KIR2DL1: variants seen among roughly 807,000 people sequenced by gnomAD.
The protein encoded by KIR2DL1 is killer cell immunoglobulin-like receptor 2DL1.
KIR2DL1 carries 38 observed loss-of-function variants against 33.9 expected under a neutral mutation model. The observed-to-expected ratio is 1.12, with a 90% CI of 0.86 to 1.47. The LOEUF (loss-of-function observed/expected upper bound fraction) is 1.47, where lower values mean the gene tolerates loss of function less well. KIR2DL1 is among the 40% of genes most tolerant of loss of function. The pLI is 0.00. For missense variants in KIR2DL1, 531 were observed against 433.9 expected, an observed-to-expected ratio of 1.22 and a Z score of -1.99; for synonymous variants, 179 against 165.9, an observed-to-expected ratio of 1.08 and a Z score of -0.61.
At chr19:54,782,623 C>A (rs1484087167) in intron 5 of KIR2DL1, among the ~76,000 whole-genome samples, 1 of 152,024 alleles carries the variant, frequency 6.6e-6, no homozygotes, top group African/African-American at 2.4e-5. Context: ...CATGATGGAT[C>A]CACCTCCATG....
At chr19:54,770,758 C>G in intron 1 of KIR2DL1, 91 bp from the exon 2 acceptor site, 1 of 1,510,792 alleles carries the variant, frequency 6.6e-7, no homozygotes, top group Non-Finnish European at 9.2e-7. Flanking sequence ...CCAGGAAGGG[C>G]CTGGCTACCA....
intron 1 of KIR2DL1, among the ~76,000 whole-genome samples, 154 bp downstream of exon 1, chr19:54,770,038 G>C (rs1220956594): frequency 8.3e-5 from 12 of 144,022 alleles, no homozygotes; most frequent in African/African-American, 3.1e-4. Context: ...GATGGGCCTA[G>C]AAGTGGAGAT....
chr19:54,780,738 T>G (rs1247325627), intron 5 of KIR2DL1, among the ~76,000 whole-genome samples: 1 of 139,992 alleles, frequency 7.1e-6, no homozygotes, highest in Non-Finnish European at 1.6e-5. Context: ...CTGGAAAGGC[T>G]TACTGGGTTT....
chr19:54,781,308 T>G (rs1297911514), intron 5 of KIR2DL1, among the ~76,000 whole-genome samples: 1 of 149,406 alleles, frequency 6.7e-6, no homozygotes, highest in Non-Finnish European at 1.5e-5. Context: ...CATTAGGCAA[T>G]GAGCCTAAAA....
rs759723489 is a variant in KIR2DL1, at chr19:54,783,473, C to G, written c.818-13C>G. On this transcript the variant is annotated splice_polypyrimidine_tract_variant and intron_variant, in intron 6 of 7. Transcript: ENST00000336077. ...GCCCTCCGAGCTGTTTTGTTGACTT[C>G]CATCTTCTACAGATGCTGCGGTAAT... 3 of 1,612,702 alleles carry G rather than the reference C, an allele frequency of 1.9e-6. No individual in the cohort carries two copies. Among genetic ancestry groups the G allele is most frequent in the Admixed American group, 1.7e-5 (1 of 59,942 alleles).
rs555297344 is a variant in KIR2DL1 at position 54,772,964 on chromosome 19, C to A, written c.71-369C>A. Among the ~76,000 whole-genome samples the A allele has an allele frequency of 7.4e-3, 1,093 of 147,434 alleles. 87 individuals carry two copies. The highest frequency in any genetic ancestry group is 0.011 in the Non-Finnish European group (745 of 65,706). Reference sequence around the variant, plus strand: ...CAGTTCATACCTCCTGCCAAGGATTCCAATTCGTCCAAAAGAGATTGAACC... The same window carrying A: ...CAGTTCATACCTCCTGCCAAGGATTACAATTCGTCCAAAAGAGATTGAACC... On this transcript the variant is annotated intron_variant, in intron 2 of 7. Transcript: ENST00000336077.
At chr19:54,772,465 C>T (rs1202841118) in intron 2 of KIR2DL1, among the ~76,000 whole-genome samples, 1 of 145,666 alleles carries the variant, frequency 6.9e-6, no homozygotes, top group Non-Finnish European at 1.5e-5. Context: ...GTGCTCTCTC[C>T]TGGTGCCATG....
chr19:54,775,421 G>A lies in KIR2DL1; in HGVS notation c.627G>A (p.Trp209Ter). 6 of 1,584,756 alleles carry A rather than the reference G, an allele frequency of 3.8e-6. No homozygotes were observed. The highest frequency in any genetic ancestry group is 1.1e-5 in the South Asian group (1 of 90,104). Residue 209 changes from tryptophan (W) to a stop codon, truncating the protein, a stop_gained, in exon 4 of 8, where the codon TGG becomes TGA. Coordinates refer to ENST00000336077, the MANE Select transcript of KIR2DL1 (RefSeq NM_014218.3). LOFTEE classifies it high-confidence loss of function. ...FGSFHDSPYE[W>*]SKSSDPLLVS... ...CTTTCCATGACTCTCCATACGAGTG[G>A]TCAAAGTCAAGTGACCCACTGCTTG...
Position 54,783,905 on chromosome 19 carries a change from A to C in KIR2DL1, c.*92A>C. Reference sequence around the variant, plus strand: ...CAGCTCCCATGTACCAGCAGCTGGAATCTGAAGGCGTGAGTCTGCATCTTA... The same window carrying C: ...CAGCTCCCATGTACCAGCAGCTGGACTCTGAAGGCGTGAGTCTGCATCTTA... On this transcript the variant is annotated 3_prime_UTR_variant, in exon 8 of 8. Transcript: ENST00000336077. 3 of 1,550,010 alleles carry C rather than the reference A, an allele frequency of 1.9e-6. No homozygotes were observed. The highest frequency in any genetic ancestry group is 1.8e-6 in the Non-Finnish European group (2 of 1,122,120).
intron 5 of KIR2DL1, 100 bp downstream of exon 5, chr19:54,778,762 C>A: frequency 7.8e-7 from 1 of 1,278,838 alleles, no homozygotes; most frequent in Non-Finnish European, 1.1e-6. Context: ...TGACATTGTA[C>A]ACTTGTCTTC....
At chr19:54,775,893 T>C (rs679194) in intron 4 of KIR2DL1, among the ~76,000 whole-genome samples, 20,814 of 124,938 alleles carry the variant, frequency 0.17, 3 homozygotes, top group South Asian at 0.27. Flanking sequence ...AGCTTACCAC[T>C]TTTAACATTT....
chr19:54,778,267 A>C (rs1417226775), intron 4 of KIR2DL1, among the ~76,000 whole-genome samples: 1 of 149,660 alleles, frequency 6.7e-6, no homozygotes, highest in Non-Finnish European at 1.5e-5. Flanking sequence ...TCAAAAGAAA[A>C]AATAAAAAAC....
At chr19:54,771,564 G>C (rs2075730652) in intron 2 of KIR2DL1, among the ~76,000 whole-genome samples, 1 of 147,242 alleles carries the variant, frequency 6.8e-6, no homozygotes, top group African/African-American at 2.5e-5. Context: ...GGGAGGGAGG[G>C]GCGGCTCCAC....
chr19:54,772,740 G>C (rs1320724518), intron 2 of KIR2DL1, among the ~76,000 whole-genome samples: 2 of 143,886 alleles, frequency 1.4e-5, no homozygotes, highest in Non-Finnish European at 3.1e-5. Context: ...AACCAAACAA[G>C]GAGAAGGTTG....
intron 3 of KIR2DL1, among the ~76,000 whole-genome samples, chr19:54,773,947 T>A (rs1403600364): frequency 6.8e-6 from 1 of 147,948 alleles, no homozygotes; most frequent in African/African-American, 2.5e-5. Context: ...CTGGCACAGG[T>A]TAGAAGTTTC....
At chr19:54,775,648 C>G (rs1488015379) in intron 4 of KIR2DL1, among the ~76,000 whole-genome samples, 190 bp downstream of exon 4, 1 of 148,638 alleles carries the variant, frequency 6.7e-6, no homozygotes, top group African/African-American at 2.5e-5. Flanking sequence ...GCATGGAGGC[C>G]CACGGCCAGG....
rs552847911 is a variant in KIR2DL1, at chr19:54,774,820, G to A, written c.371-345G>A. On this transcript the variant is annotated intron_variant, in intron 3 of 7. Transcript: ENST00000336077. ...CACCGAATAGATAAATAGATAGATC[G>A]ATAGATAATAGATAGAAATATGCAG... is the stretch of plus-strand genomic sequence containing the variant. Among the ~76,000 whole-genome samples the A allele has an allele frequency of 4.7e-5, 7 of 148,436 alleles. No homozygotes were observed. The South Asian group carries it at 6.4e-4, about 13-fold the overall frequency.
At chr19:54,780,279 T>G in intron 5 of KIR2DL1, 1 of 438,276 alleles carries the variant, frequency 2.3e-6, no homozygotes, top group Admixed American at 4.0e-5. Flanking sequence ...ATTCAGATAT[T>G]TGTGACATTA....
At chr19:54,774,857 C>G (rs2147480967) in intron 3 of KIR2DL1, among the ~76,000 whole-genome samples, 1 of 148,312 alleles carries the variant, frequency 6.7e-6, no homozygotes, top group Middle Eastern at 3.4e-3. Context: ...AAGTTATGAA[C>G]AGGACACAAA....
Sources: gnomAD v4.1 joint callset for allele counts (sites outside exome capture counted in the v4.1 genomes callset) on GRCh38, gnomAD v4.1.1 for gene constraint, MANE v1.5 for transcripts, NCBI Gene and HGNC (gene_info 2026-07-23, HGNC 2026-07-21) for gene names.